ADAMTS3: variants seen among roughly 807,000 people sequenced by gnomAD.
ADAMTS3 encodes the protein A disintegrin and metalloproteinase with thrombospondin motifs 3.
Under a neutral mutation model 129.0 loss-of-function variants are expected in ADAMTS3, and 73 were observed. The observed-to-expected ratio is 0.57, with a 90% CI of 0.47 to 0.69. ADAMTS3 has a LOEUF of 0.69. Ranked by LOEUF, ADAMTS3 falls within the 30% of genes least tolerant of loss-of-function variation. ADAMTS3 has a pLI of 0.00. For missense variants in ADAMTS3, 1,457 were observed against 1,514.5 expected (o/e 0.96, Z 0.63); for synonymous variants, 477 against 510.8 (o/e 0.93, Z 0.89).
chr4:72,379,302 T>A lies in ADAMTS3; in HGVS notation c.661+35513A>T, dbSNP rs1303310590. ...CAGAACTCCAGTGATTGGGTTAACC[T>A]CTTCCCCCGAGGCCACAGGGGCAAG... is the stretch of plus-strand genomic sequence containing the variant. On this transcript the variant is annotated intron_variant, in intron 4 of 21. Transcript: ENST00000286657. Among the ~76,000 whole-genome samples the A allele has an allele frequency of 3.3e-5, 5 of 152,230 alleles. No homozygotes were observed. The East Asian group carries it at 9.7e-4, about 29-fold the overall frequency.
intron 3 of ADAMTS3, among the ~76,000 whole-genome samples, chr4:72,503,248 C>A (rs1234201712): frequency 6.6e-6 from 1 of 152,090 alleles, no homozygotes; most frequent in Non-Finnish European, 1.5e-5. Flanking sequence ...GTCTTGAACT[C>A]CTGACCTTGT....
At chr4:72,470,465 CATATTATGAGTATGT>C (rs1253545887) in intron 3 of ADAMTS3, among the ~76,000 whole-genome samples, 9 of 147,478 alleles carry the variant, frequency 6.1e-5, no homozygotes, top group Non-Finnish European at 1.3e-4. Flanking sequence ...ATAATATATA[CATATTATGAGTATGT>C]ATATACACAC....
chr4:72,564,123 G>A (rs1375687366), intron 2 of ADAMTS3, among the ~76,000 whole-genome samples: 1 of 152,134 alleles, frequency 6.6e-6, no homozygotes, highest in East Asian at 1.9e-4. Flanking sequence ...CCAATTCCAA[G>A]AGGAATCAGG....
At chr4:72,311,617 A>C (rs1719238254) in intron 13 of ADAMTS3, among the ~76,000 whole-genome samples, 1 of 152,158 alleles carries the variant, frequency 6.6e-6, no homozygotes, top group African/African-American at 2.4e-5. Context: ...AAAATAGATA[A>C]AAACAATGCA....
chr4:72,349,876 T>C (rs1489590719), intron 4 of ADAMTS3, among the ~76,000 whole-genome samples: 1 of 152,064 alleles, frequency 6.6e-6, no homozygotes, highest in Non-Finnish European at 1.5e-5. Flanking sequence ...TTTAAAAATC[T>C]AAAGTGCTTT....
chr4:72,529,499 G>C (rs1165897312), intron 3 of ADAMTS3, among the ~76,000 whole-genome samples: 1 of 150,186 alleles, frequency 6.7e-6, no homozygotes, highest in Non-Finnish European at 1.5e-5. Context: ...ATTTGTAGAG[G>C]CATTCAATCT....
intron 4 of ADAMTS3, among the ~76,000 whole-genome samples, chr4:72,387,026 AT>A (rs1434416132): frequency 1.3e-5 from 2 of 152,344 alleles, no homozygotes; most frequent in African/African-American, 4.8e-5. Flanking sequence ...TCAAAAACCT[AT>A]TCTTCATCTG....
chr4:72,430,104 A>G (rs1023397404), intron 3 of ADAMTS3, among the ~76,000 whole-genome samples: 5 of 152,020 alleles, frequency 3.3e-5, no homozygotes, highest in Non-Finnish European at 7.4e-5. Context: ...GGCAAATTGT[A>G]TTTTCCAAAG....
At chr4:72,312,129 AT>A in intron 13 of ADAMTS3, 161 bp downstream of exon 13, 1 of 664,212 alleles carries the variant, frequency 1.5e-6, no homozygotes, top group South Asian at 2.0e-5. Flanking sequence ...GAGAAAGGGT[AT>A]TTAAGCCTTA....
At position 72,455,990 on chromosome 4, in the gene ADAMTS3, A is replaced by ATATATTTTACATATAGTATATATACTG. The variant is rs1718570132; in HGVS notation, c.505-41020_505-41019insCAGTATATATACTATATGTAAAATATA. 6.3e-5 allele frequency among the ~76,000 whole-genome samples: 2 copies of ATATATTTTACATATAGTATATATACTG among 31,828 alleles called. 1 individual carries two copies. The highest frequency in any genetic ancestry group is 2.1e-4 in the African/African-American group (2 of 9,702). The allele number at this position is 31,828 out of a possible 152,430, so 20.9% of individuals were successfully genotyped here. On this transcript the variant is annotated intron_variant, in intron 3 of 21. Transcript: ENST00000286657. ...ATATTTTACATATAGTATATATACT[A>ATATATTTTACATATAGTATATATACTG]TATATATTTTACATATAGTATATAT...
In ADAMTS3 at chr4:72,282,990, T is replaced by C. The variant is rs1578547020; in HGVS notation, c.*146A>G. 5 of 652,874 alleles carry C rather than the reference T, an allele frequency of 7.7e-6. No individual in the cohort carries two copies. In the Admixed American group the frequency reaches 1.6e-4, roughly 21 times the overall value. The allele number at this position is 652,874 out of a possible 1,614,324, so 40.4% of individuals were successfully genotyped here. Reference sequence around the variant, plus strand: ...AAGGAGGATGAAAGCAACTAGAAAGTGAGCCAGCACTTTCTGTTCTTCCAA... The same window carrying C: ...AAGGAGGATGAAAGCAACTAGAAAGCGAGCCAGCACTTTCTGTTCTTCCAA... On this transcript the variant is annotated 3_prime_UTR_variant, in exon 22 of 22. Transcript: ENST00000286657.
intron 3 of ADAMTS3, among the ~76,000 whole-genome samples, chr4:72,528,490 C>A (rs1478305382): frequency 7.2e-6 from 1 of 139,832 alleles, no homozygotes; most frequent in East Asian, 2.1e-4. Flanking sequence ...TAAATATATG[C>A]AATTGTTGTT....
intron 3 of ADAMTS3, among the ~76,000 whole-genome samples, chr4:72,457,808 T>G (rs769210860): frequency 1.1e-4 from 16 of 151,604 alleles, no homozygotes; most frequent in Non-Finnish European, 1.8e-4. Context: ...ATCCTTAAAA[T>G]GTATAGAATA....
At chr4:72,390,905 A>C (rs533354303) in intron 4 of ADAMTS3, among the ~76,000 whole-genome samples, 146 of 152,102 alleles carry the variant, frequency 9.6e-4, no homozygotes, top group African/African-American at 3.1e-3. Flanking sequence ...AAAAAAAAAA[A>C]AAAACTGGCT....
chr4:72,378,647 A>ATT, intron 4 of ADAMTS3, among the ~76,000 whole-genome samples: 1 of 146,090 alleles, frequency 6.8e-6, no homozygotes, highest in African/African-American at 2.5e-5. Context: ...CATGACTTGA[A>ATT]TTTTTTTTTT....
intron 3 of ADAMTS3, among the ~76,000 whole-genome samples, chr4:72,474,448 A>G (rs1486704076): frequency 1.3e-5 from 2 of 152,202 alleles, no homozygotes; most frequent in Non-Finnish European, 2.9e-5. Flanking sequence ...CAACAGCAGA[A>G]TAAATGGACA....
chr4:72,462,481 G>C (rs1718797440), intron 3 of ADAMTS3, among the ~76,000 whole-genome samples: 1 of 151,906 alleles, frequency 6.6e-6, no homozygotes, highest in Admixed American at 6.6e-5. Flanking sequence ...TTTTACACAA[G>C]TGTACGGTCA....
At chr4:72,374,072 T>C (rs189062209) in intron 4 of ADAMTS3, among the ~76,000 whole-genome samples, 14 of 152,156 alleles carry the variant, frequency 9.2e-5, no homozygotes, top group Non-Finnish European at 1.5e-5. Context: ...TCCAGCTTTA[T>C]GAATAATATG....
At chr4:72,306,183 T>C in intron 15 of ADAMTS3, 116 bp from the exon 16 acceptor site, 1 of 664,576 alleles carries the variant, frequency 1.5e-6, no homozygotes, top group Non-Finnish European at 2.4e-6. Flanking sequence ...CATCCATAAA[T>C]TTAAAGAAGC....
Sources: allele counts gnomAD v4.1 joint callset (sites outside exome capture counted in the v4.1 genomes callset), GRCh38; gene constraint gnomAD v4.1.1; transcripts MANE v1.5; gene names NCBI Gene and HGNC (gene_info 2026-07-23, HGNC 2026-07-21).